The following ACBD5 variants were observed in gnomAD, a reference collection of about 807,000 sequenced individuals.
ACBD5 encodes the protein acyl-CoA-binding domain-containing protein 5.
A neutral mutation model predicts 71.8 loss-of-function variants in ACBD5; 40 were observed. That is an observed-to-expected ratio of 0.56 (90% CI 0.43 to 0.72). The LOEUF (loss-of-function observed/expected upper bound fraction) is 0.72. Ranked by LOEUF, ACBD5 falls within the 30% of genes least tolerant of loss-of-function variation. The pLI is 0.00. For synonymous variants in ACBD5, 229 were observed against 218.6 expected (o/e 1.05, Z -0.42); for missense variants, 559 against 644.5 (o/e 0.87, Z 1.44).
At position 27,215,752 on chromosome 10, in the gene ACBD5, T is replaced by G. The variant is rs4749238; in HGVS notation, c.830-111A>C. On this transcript the variant is annotated intron_variant, in intron 7 of 12. Transcript: ENST00000396271. ...TCTTGCTCTGTTGCCCAGGCTGGAGTGCAGTGGTGTGATCTCGGCTCACTG... is the reference window on the plus strand; with the variant it reads ...TCTTGCTCTGTTGCCCAGGCTGGAGGGCAGTGGTGTGATCTCGGCTCACTG... 4,893 of 738,506 alleles carry G rather than the reference T, an allele frequency of 6.6e-3. 31 individuals carry two copies. Among genetic ancestry groups the G allele is most frequent in the Non-Finnish European group, 7.8e-3 (3,380 of 432,670 alleles). The allele number at this position is 738,506 out of a possible 1,614,324, so 45.7% of individuals were successfully genotyped here. A position where few individuals can be genotyped will look rare whatever the true frequency, so the allele number is the denominator to read the frequency against.
chr10:27,183,594 G>GA (rs2058455659), intron 13 of ACBD5, among the ~76,000 whole-genome samples: 1 of 152,106 alleles, frequency 6.6e-6, no homozygotes, highest in Non-Finnish European at 1.5e-5. Flanking sequence ...GTAATATAGA[G>GA]AAAAGCATTA....
At position 27,218,165 on chromosome 10, in the gene ACBD5, T is replaced by A. The variant is rs746952873; in HGVS notation, c.644A>T (p.Lys215Met). Reference sequence around the variant, plus strand: ...TTCCAAATTCTTATGGTCTGCTGACTTCTTCATCATTTTCTTATCTTTTAC... The same window carrying A: ...TTCCAAATTCTTATGGTCTGCTGACATCTTCATCATTTTCTTATCTTTTAC... ...QSDNDKKMMK[K>M]SADHKNLEVI... The change falls in exon 7 of 13, where the codon AAG (lysine) becomes ATG (methionine). Residue 215 changes from lysine to methionine, a missense_variant. Lys to Met is a moderately conservative substitution (Grantham distance 95, BLOSUM62 -1). Coordinates refer to ENST00000396271, the MANE Select transcript of ACBD5 (RefSeq NM_145698.5). 1 of 1,613,664 alleles carries A rather than the reference T, an allele frequency of 6.2e-7. No individual in the cohort carries two copies. Among genetic ancestry groups the A allele is most frequent in the Non-Finnish European group, 8.5e-7 (1 of 1,179,732 alleles).
At chr10:27,232,848 T>TTTAA (rs1167408772) in intron 3 of ACBD5, among the ~76,000 whole-genome samples, 2 of 152,026 alleles carry the variant, frequency 1.3e-5, no homozygotes, top group African/African-American at 4.8e-5. Flanking sequence ...CCCGAAGGAG[T>TTTAA]TTAACTCCAC....
chr10:27,202,734 G>C (rs1055065938), intron 12 of ACBD5, among the ~76,000 whole-genome samples: 1 of 151,818 alleles, frequency 6.6e-6, no homozygotes, highest in Admixed American at 6.6e-5. Flanking sequence ...ACATGAAAAG[G>C]AACTTTGAGA....
intron 4 of ACBD5, among the ~76,000 whole-genome samples, chr10:27,231,245 A>G (rs2780669): frequency 0.75 from 113,685 of 152,100 alleles, 42,802 homozygotes; most frequent in African/African-American, 0.84. Flanking sequence ...GGCTAGGCGC[A>G]GTGGCTCATG....
At chr10:27,231,920 G>A in intron 3 of ACBD5, 100 bp from the exon 4 acceptor site, 1 of 1,150,026 alleles carries the variant, frequency 8.7e-7, no homozygotes, top group South Asian at 1.2e-5. Context: ...AATTAAAACA[G>A]GTTCTACTTA....
In ACBD5 at chr10:27,235,360, A is replaced by G. The variant is rs766463309; in HGVS notation, c.182-148T>C. The G allele has an allele frequency of 1.2e-4, 133 of 1,075,810 alleles. 1 individual carries two copies. Among genetic ancestry groups the G allele is most frequent in the Admixed American group, 1.9e-4 (8 of 42,792 alleles). 66.6% of individuals were successfully genotyped at this position (1,075,810 alleles called of 1,614,324 possible). A position where few individuals can be genotyped will look rare whatever the true frequency, so the allele number is the denominator to read the frequency against. Reference sequence around the variant, plus strand: ...TTTCTAGCTTATAGAAACAAAAGTTATGGTTCTGTTAGTTGCTTGCTTCTT... The same window carrying G: ...TTTCTAGCTTATAGAAACAAAAGTTGTGGTTCTGTTAGTTGCTTGCTTCTT... On this transcript the variant is annotated intron_variant, in intron 2 of 12. Transcript: ENST00000396271.
intron 5 of ACBD5, among the ~76,000 whole-genome samples, chr10:27,220,928 A>G (rs2062258572): frequency 6.6e-6 from 1 of 152,370 alleles, no homozygotes; most frequent in Middle Eastern, 3.4e-3. Flanking sequence ...CAATTTGGTA[A>G]TATCTTACAA....
At chr10:27,184,359 C>G (rs2058510229) in intron 13 of ACBD5, among the ~76,000 whole-genome samples, 1 of 152,036 alleles carries the variant, frequency 6.6e-6, no homozygotes, top group Non-Finnish European at 1.5e-5. Flanking sequence ...TCAGCTCTAG[C>G]TTTTTCAAGG....
rs746017666 is a variant in ACBD5, at chr10:27,196,117, T to C, written c.*1313A>G. On this transcript the variant is annotated 3_prime_UTR_variant, in exon 13 of 13. Transcript: ENST00000396271. ...CTTGGGAGTGAGGCAGGAGAATCACTTGAACCCAGGAGGTGGAAGTTGCAG... is the reference window on the plus strand; with the variant it reads ...CTTGGGAGTGAGGCAGGAGAATCACCTGAACCCAGGAGGTGGAAGTTGCAG... 1.3e-4 allele frequency: 59 copies of C among 450,416 alleles called. No individual in the cohort carries two copies. The highest frequency in any genetic ancestry group is 6.9e-4 in the Middle Eastern group (1 of 1,440). 27.9% of individuals were successfully genotyped at this position (450,416 alleles called of 1,614,324 possible). A position where few individuals can be genotyped will look rare whatever the true frequency, so the allele number is the denominator to read the frequency against.
At chr10:27,225,192 T>C (rs1181286603) in intron 4 of ACBD5, among the ~76,000 whole-genome samples, 1 of 151,686 alleles carries the variant, frequency 6.6e-6, no homozygotes, top group African/African-American at 2.4e-5. Flanking sequence ...AGTTCTCACC[T>C]TCAAGCAATT....
intron 13 of ACBD5, among the ~76,000 whole-genome samples, chr10:27,187,336 G>A (rs1248945294): frequency 6.6e-6 from 1 of 152,094 alleles, no homozygotes; most frequent in Non-Finnish European, 1.5e-5. Flanking sequence ...CCTTCACTTA[G>A]TAACTCCTTT....
Position 27,195,854 on chromosome 10 carries a change from A to C in ACBD5, c.*1576T>G, listed in dbSNP as rs762441751. The C allele has an allele frequency of 2.2e-6, 1 of 451,108 alleles. No individual in the cohort carries two copies. The highest frequency in any genetic ancestry group is 1.6e-5 in the South Asian group (1 of 63,626). 27.9% of individuals were successfully genotyped at this position (451,108 alleles called of 1,614,324 possible). A position where few individuals can be genotyped will look rare whatever the true frequency, so the allele number is the denominator to read the frequency against. On this transcript the variant is annotated 3_prime_UTR_variant, in exon 13 of 13. Transcript: ENST00000396271. ...AGACAGATTATTTCTTATTTAAAACACTGTGAACATATGATGTTAAACCCA... is the reference window on the plus strand; with the variant it reads ...AGACAGATTATTTCTTATTTAAAACCCTGTGAACATATGATGTTAAACCCA...
chr10:27,204,694 T>A, intron 11 of ACBD5, 145 bp from the exon 12 acceptor site: 1 of 689,378 alleles, frequency 1.5e-6, no homozygotes, highest in Non-Finnish European at 2.6e-6. Context: ...ATATTCTGCA[T>A]TTCAGAGTAT....
intron 5 of ACBD5, among the ~76,000 whole-genome samples, chr10:27,223,005 G>A (rs979188914): frequency 6.6e-6 from 1 of 152,120 alleles, no homozygotes; most frequent in African/African-American, 2.4e-5. Context: ...AATATACTAA[G>A]TAAACTACCT....
chr10:27,200,927 C>A (rs1008610951), intron 12 of ACBD5, among the ~76,000 whole-genome samples: 2 of 152,072 alleles, frequency 1.3e-5, no homozygotes, highest in African/African-American at 2.4e-5. Context: ...AATCCCAGTA[C>A]AAGAAAGGCT....
chr10:27,204,943 T>G (rs56308206), intron 11 of ACBD5, among the ~76,000 whole-genome samples: 1 of 152,066 alleles, frequency 6.6e-6, no homozygotes. Flanking sequence ...TTGGCTAACA[T>G]GGTGAAACCC....
chr10:27,237,175 G>A (rs1229604246), intron 2 of ACBD5, among the ~76,000 whole-genome samples: 4 of 151,588 alleles, frequency 2.6e-5, no homozygotes, highest in Admixed American at 6.6e-5. Flanking sequence ...AATATCTTCA[G>A]TAAGTCAACC....
chr10:27,204,645 A>C (rs965176302), intron 11 of ACBD5, 96 bp from the exon 12 acceptor site: 44 of 853,772 alleles, frequency 5.2e-5, no homozygotes, highest in Non-Finnish European at 7.9e-5. Context: ...GTAGAAAAGA[A>C]AATTAGTAAC....
Sources: gnomAD v4.1 joint callset for allele counts (sites outside exome capture counted in the v4.1 genomes callset) on GRCh38, gnomAD v4.1.1 for gene constraint, MANE v1.5 for transcripts, NCBI Gene and HGNC (gene_info 2026-07-23, HGNC 2026-07-21) for gene names.